CNTN5: variants seen among roughly 807,000 people sequenced by gnomAD.
The protein encoded by CNTN5 is contactin 5, also known as contactin-5.
Under a neutral mutation model 129.1 loss-of-function variants are expected in CNTN5, and 77 were observed. The ratio of observed to expected loss-of-function variants is 0.60; its 90% CI spans 0.50 to 0.72. The LOEUF is 0.72. Ranked by LOEUF, CNTN5 falls within the 30% of genes least tolerant of loss-of-function variation. The pLI is 0.00. For missense variants in CNTN5, 1,478 were observed against 1,328.8 expected (o/e 1.11, Z -1.75); for synonymous variants, 509 against 465.6 (o/e 1.09, Z -1.20).
chr11:99,482,776 G>A (rs562915221), intron 2 of CNTN5, among the ~76,000 whole-genome samples: 22 of 151,980 alleles, frequency 1.4e-4, no homozygotes, highest in South Asian at 1.0e-3. Flanking sequence ...TTCCATGAAA[G>A]AAATAATTAA....
At chr11:99,692,468 CTT>C (rs1289118946) in intron 3 of CNTN5, among the ~76,000 whole-genome samples, 3 of 151,988 alleles carry the variant, frequency 2.0e-5, no homozygotes, top group African/African-American at 7.2e-5. Context: ...TGAAAAAGGA[CTT>C]TATTTCTCCT....
At chr11:100,215,950 G>T (rs1949130626) in intron 15 of CNTN5, among the ~76,000 whole-genome samples, 1 of 152,138 alleles carries the variant, frequency 6.6e-6, no homozygotes, top group Non-Finnish European at 1.5e-5. Context: ...CCTCCTCTAT[G>T]AGACCAGAGA....
At chr11:99,043,038 C>T (rs1194704836) in intron 1 of CNTN5, among the ~76,000 whole-genome samples, 5 of 152,238 alleles carry the variant, frequency 3.3e-5, no homozygotes, top group African/African-American at 1.2e-4. Context: ...TGGATTAATT[C>T]TGCTAAAGCC....
At chr11:99,032,034 G>A (rs917299410) in intron 1 of CNTN5, among the ~76,000 whole-genome samples, 3 of 150,294 alleles carry the variant, frequency 2.0e-5, no homozygotes, top group African/African-American at 7.4e-5. Flanking sequence ...TTTTGTTCTT[G>A]CGATAGTTTA....
At chr11:99,548,792 T>G (rs1948383183) in intron 2 of CNTN5, among the ~76,000 whole-genome samples, 1 of 152,200 alleles carries the variant, frequency 6.6e-6, no homozygotes, top group African/African-American at 2.4e-5. Flanking sequence ...TTTTTGGTTT[T>G]AGTATTTTCC....
intron 2 of CNTN5, among the ~76,000 whole-genome samples, chr11:99,456,552 T>C (rs990692867): frequency 6.6e-6 from 1 of 152,104 alleles, no homozygotes; most frequent in African/African-American, 2.4e-5. Flanking sequence ...ATTCAGGAGA[T>C]CTAAAATGAC....
intron 1 of CNTN5, among the ~76,000 whole-genome samples, chr11:99,103,235 C>T (rs771717786): frequency 7.2e-5 from 11 of 152,188 alleles, no homozygotes; most frequent in Non-Finnish European, 1.3e-4. Flanking sequence ...GGTGGGGACA[C>T]AGCCAAACCA....
chr11:99,054,648 T>C (rs1279799112), intron 1 of CNTN5, among the ~76,000 whole-genome samples: 1 of 151,758 alleles, frequency 6.6e-6, no homozygotes, highest in Non-Finnish European at 1.5e-5. Flanking sequence ...TAAAAACTTA[T>C]CTTCTTTCCT....
intron 16 of CNTN5, among the ~76,000 whole-genome samples, chr11:100,252,978 T>G (rs574128333): frequency 6.6e-6 from 1 of 152,206 alleles, no homozygotes; most frequent in African/African-American, 2.4e-5. Context: ...CAGCTCAGAT[T>G]TAAGGAGGTG....
intron 3 of CNTN5, among the ~76,000 whole-genome samples, chr11:99,590,712 G>C (rs552755588): frequency 6.6e-6 from 1 of 152,138 alleles, no homozygotes; most frequent in Non-Finnish European, 1.5e-5. Flanking sequence ...GAAATGAAAA[G>C]GAGGCAAACA....
intron 3 of CNTN5, among the ~76,000 whole-genome samples, chr11:99,736,015 C>T (rs78010683): frequency 5.9e-5 from 9 of 151,780 alleles, no homozygotes; most frequent in Non-Finnish European, 1.0e-4. Context: ...TTTTCTTTCT[C>T]TTTTTTTTCT....
intron 18 of CNTN5, among the ~76,000 whole-genome samples, chr11:100,289,662 G>A (rs1663913489): frequency 6.6e-6 from 1 of 151,590 alleles, no homozygotes; most frequent in Admixed American, 6.6e-5. Context: ...CATACCGAAT[G>A]GGCAAAAACT....
chr11:99,556,317 A>G, intron 3 of CNTN5, 48 bp downstream of exon 3: 4 of 1,201,760 alleles, frequency 3.3e-6, no homozygotes, highest in Non-Finnish European at 4.7e-6. Flanking sequence ...GTATCAAAAT[A>G]ACCAAAATAT....
chr11:100,284,934 C>T (rs1248864472), intron 18 of CNTN5, among the ~76,000 whole-genome samples: 2 of 152,204 alleles, frequency 1.3e-5, no homozygotes, highest in Admixed American at 6.5e-5. Context: ...TAACGTTCTA[C>T]TGTGCCACTT....
At chr11:100,149,893 CAAAAAAAAAAAAAAGAAAAGAAA>C (rs1217267115) in intron 13 of CNTN5, among the ~76,000 whole-genome samples, 1 of 117,148 alleles carries the variant, frequency 8.5e-6, no homozygotes, top group Non-Finnish European at 1.8e-5. Context: ...GACTCCATCT[CAAAAAAAAAAAAAAGAAAAGAAA>C]AGAAAAAAAA....
intron 2 of CNTN5, among the ~76,000 whole-genome samples, chr11:99,385,344 G>C (rs1940861377): frequency 6.6e-6 from 1 of 151,924 alleles, no homozygotes; most frequent in Non-Finnish European, 1.5e-5. Flanking sequence ...AGTCTCAAAA[G>C]TAATGTAATC....
intron 9 of CNTN5, among the ~76,000 whole-genome samples, chr11:100,026,563 T>C (rs1313973803): frequency 2.6e-5 from 4 of 152,252 alleles, no homozygotes; most frequent in Admixed American, 2.0e-4. Flanking sequence ...GTCCATGTTC[T>C]GAATTTTGAC....
chr11:99,773,695 A>G (rs1454006861), intron 3 of CNTN5, among the ~76,000 whole-genome samples: 2 of 152,070 alleles, frequency 1.3e-5, no homozygotes, highest in Non-Finnish European at 2.9e-5. Context: ...TTTCTCATCA[A>G]TATTAATGCC....
intron 18 of CNTN5, among the ~76,000 whole-genome samples, chr11:100,277,148 A>C (rs551321474): frequency 6.6e-6 from 1 of 152,308 alleles, no homozygotes; most frequent in Non-Finnish European, 1.5e-5. Flanking sequence ...TGCAAATGAC[A>C]GGATTTCATT....
Sources: gnomAD v4.1 joint callset for allele counts (sites outside exome capture counted in the v4.1 genomes callset) on GRCh38, gnomAD v4.1.1 for gene constraint, MANE v1.5 for transcripts, NCBI Gene and HGNC (gene_info 2026-07-23, HGNC 2026-07-21) for gene names.